The following COL8A1 variants were observed in gnomAD, a reference collection of about 807,000 sequenced individuals.
The protein encoded by COL8A1 is collagen alpha-1(VIII) chain.
COL8A1 carries 21 observed loss-of-function variants against 42.7 expected under a neutral mutation model. That is an observed-to-expected ratio of 0.49 (90% CI 0.35 to 0.71). The LOEUF is 0.71. Ranked by LOEUF, COL8A1 falls within the 30% of genes least tolerant of loss-of-function variation. The probability of loss-of-function intolerance (pLI) is 0.01; values close to 1 mark genes in which losing one functional copy is unlikely to be tolerated. For synonymous variants in COL8A1, 367 were observed against 369.1 expected (o/e 0.99, Z 0.06); for missense variants, 788 against 962.4 (o/e 0.82, Z 2.40).
intron 2 of COL8A1, among the ~76,000 whole-genome samples, chr3:99,779,981 T>G (rs1282234289): frequency 2.6e-5 from 4 of 152,148 alleles, no homozygotes; most frequent in African/African-American, 9.7e-5. Flanking sequence ...CAAAAACCAT[T>G]ACCTTACAAA....
At chr3:99,645,450 T>C (rs1937624158) in intron 1 of COL8A1, among the ~76,000 whole-genome samples, 1 of 152,126 alleles carries the variant, frequency 6.6e-6, no homozygotes, top group South Asian at 2.1e-4. Context: ...ACAGTTCTAG[T>C]TTAAGGACAT....
At chr3:99,640,745 G>A (rs1937491659) in intron 1 of COL8A1, among the ~76,000 whole-genome samples, 1 of 152,174 alleles carries the variant, frequency 6.6e-6, no homozygotes, top group African/African-American at 2.4e-5. Context: ...TACCAAGCAA[G>A]ATGACACTGC....
Position 99,795,541 on chromosome 3 carries a change from C to T in COL8A1, c.1640C>T (p.Pro547Leu). 3 of 1,607,202 alleles carry T rather than the reference C, an allele frequency of 1.9e-6. No homozygotes were observed. Among genetic ancestry groups the T allele is most frequent in the Non-Finnish European group, 2.5e-6 (3 of 1,176,918 alleles). Residue 547 changes from proline (P) to leucine (L), a missense_variant, in exon 4 of 4, where the codon CCT becomes CTT. Pro to Leu is a moderately conservative substitution (Grantham distance 98, BLOSUM62 -3). Around this residue, in one of 4 missense-constraint regions of COL8A1, gnomAD observed 154 missense variants for 182.3 expected, o/e 0.84. Transcript: ENST00000652472. ...VAGLHGPPGK[P>L]GALGPQGQPG... ...GGACTTCATGGCCCCCCAGGGAAGC[C>T]TGGTGCCCTTGGTCCTCAAGGCCAG...
intron 1 of COL8A1, among the ~76,000 whole-genome samples, chr3:99,734,290 A>G (rs745391012): frequency 1.4e-5 from 2 of 139,662 alleles, no homozygotes; most frequent in Admixed American, 6.9e-5. Context: ...TAGGTCTAAC[A>G]TTTAAGTCTT....
chr3:99,773,444 A>T (rs1004673265), intron 2 of COL8A1, among the ~76,000 whole-genome samples: 16 of 152,056 alleles, frequency 1.1e-4, no homozygotes, highest in African/African-American at 2.9e-4. Flanking sequence ...ATCTACACCT[A>T]TATGTTTCAT....
intron 1 of COL8A1, among the ~76,000 whole-genome samples, chr3:99,732,614 A>G (rs1940550008): frequency 6.6e-6 from 1 of 152,102 alleles, no homozygotes; most frequent in Non-Finnish European, 1.5e-5. Flanking sequence ...ACACATGGGG[A>G]TTACGGGAAC....
intron 1 of COL8A1, among the ~76,000 whole-genome samples, chr3:99,721,188 C>G (rs1000444451): frequency 1.3e-5 from 2 of 151,844 alleles, no homozygotes; most frequent in Non-Finnish European, 2.9e-5. Flanking sequence ...GCAGGCACTC[C>G]CAGTCGTCAA....
intron 1 of COL8A1, chr3:99,678,562 A>T (rs1307664858): frequency 7.3e-6 from 1 of 136,532 alleles, no homozygotes. Flanking sequence ...AGTAGCGTAG[A>T]TCTCCATTTT....
At chr3:99,781,192 C>A (rs1351742468) in intron 2 of COL8A1, among the ~76,000 whole-genome samples, 1 of 152,100 alleles carries the variant, frequency 6.6e-6, no homozygotes, top group Non-Finnish European at 1.5e-5. Context: ...TTTTCACTGA[C>A]CAAGAAATTG....
chr3:99,706,337 AT>A (rs1939679970), intron 1 of COL8A1, among the ~76,000 whole-genome samples: 2 of 152,176 alleles, frequency 1.3e-5, no homozygotes, highest in South Asian at 2.1e-4. Flanking sequence ...AATTTTCTCA[AT>A]GAAAACCAGC....
intron 1 of COL8A1, among the ~76,000 whole-genome samples, chr3:99,690,776 A>G (rs554374135): frequency 1.3e-5 from 2 of 152,354 alleles, no homozygotes; most frequent in East Asian, 3.9e-4. Flanking sequence ...AGGAGCATGA[A>G]TGGACAGCTG....
chr3:99,680,953 T>C (rs1938857947), intron 1 of COL8A1, among the ~76,000 whole-genome samples: 1 of 152,150 alleles, frequency 6.6e-6, no homozygotes. Context: ...AAGCTGAAAC[T>C]GGATCCCTTC....
intron 1 of COL8A1, among the ~76,000 whole-genome samples, chr3:99,711,374 C>A (rs1939831441): frequency 1.3e-5 from 2 of 152,150 alleles, no homozygotes; most frequent in South Asian, 2.1e-4. Context: ...TAATAGTCAC[C>A]ATATGATTAA....
intron 1 of COL8A1, among the ~76,000 whole-genome samples, chr3:99,729,034 A>T (rs1209987251): frequency 6.6e-6 from 1 of 152,070 alleles, no homozygotes. Context: ...CATTTGAAAA[A>T]AAGCTAGTAT....
intron 1 of COL8A1, among the ~76,000 whole-genome samples, chr3:99,729,155 G>T (rs1299294531): frequency 6.6e-6 from 1 of 151,974 alleles, no homozygotes; most frequent in Non-Finnish European, 1.5e-5. Context: ...AATCTTATAG[G>T]TATCTTCTGT....
chr3:99,734,182 T>C (rs1055702544), intron 1 of COL8A1, among the ~76,000 whole-genome samples: 1 of 148,236 alleles, frequency 6.7e-6, no homozygotes, highest in Non-Finnish European at 1.5e-5. Flanking sequence ...TTTTGTCTTT[T>C]GTTGCCATTG....
chr3:99,723,066 A>G (rs1940203293), intron 1 of COL8A1, among the ~76,000 whole-genome samples: 1 of 151,816 alleles, frequency 6.6e-6, no homozygotes, highest in African/African-American at 2.4e-5. Context: ...ATGAAGTCAT[A>G]TACATTCAGG....
At chr3:99,773,963 G>A (rs1941642628) in intron 2 of COL8A1, among the ~76,000 whole-genome samples, 1 of 146,210 alleles carries the variant, frequency 6.8e-6, no homozygotes, top group African/African-American at 2.6e-5. Flanking sequence ...TCCTGCCTCA[G>A]CTTCCTGAGT....
chr3:99,791,324 T>C (rs920284371), intron 3 of COL8A1, among the ~76,000 whole-genome samples: 1 of 152,180 alleles, frequency 6.6e-6, no homozygotes, highest in African/African-American at 2.4e-5. Context: ...TGAGCACCTA[T>C]TTGTGTCAGG....
Sources: gnomAD v4.1 joint callset for allele counts (sites outside exome capture counted in the v4.1 genomes callset) on GRCh38, gnomAD v4.1.1 for gene constraint, gnomAD v4.1.1 regional missense constraint, MANE v1.5 for transcripts, NCBI Gene and HGNC (gene_info 2026-07-23, HGNC 2026-07-21) for gene names.